SCYL3: variants seen among roughly 807,000 people sequenced by gnomAD.
The protein encoded by SCYL3 is protein-associating with the carboxyl-terminal domain of ezrin.
A neutral mutation model predicts 73.8 loss-of-function variants in SCYL3; 35 were observed. The observed-to-expected ratio is 0.47, with a 90% CI of 0.36 to 0.63. SCYL3 has a LOEUF of 0.63. SCYL3 is among the 20% of genes least tolerant of loss of function. The probability of loss-of-function intolerance (pLI) is 0.00; values close to 1 mark genes in which losing one functional copy is unlikely to be tolerated. For synonymous variants in SCYL3, 277 were observed against 295.2 expected, an observed-to-expected ratio of 0.94 and a Z score of 0.63; for missense variants, 712 against 798.9, an observed-to-expected ratio of 0.89 and a Z score of 1.31.
intron 1 of SCYL3, among the ~76,000 whole-genome samples, chr1:169,891,518 AGT>A (rs1431986254): frequency 6.6e-6 from 1 of 152,254 alleles, no homozygotes; most frequent in Non-Finnish European, 1.5e-5. Context: ...AGACTGGAAG[AGT>A]GAGTTACAGA....
intron 3 of SCYL3, among the ~76,000 whole-genome samples, chr1:169,876,908 T>C (rs1488688243): frequency 2.5e-5 from 3 of 118,286 alleles, no homozygotes; most frequent in African/African-American, 3.4e-5. Flanking sequence ...TGAGCCGAGA[T>C]CACACCACTG....
intron 4 of SCYL3, among the ~76,000 whole-genome samples, chr1:169,874,861 A>G (rs1660686220): frequency 6.6e-6 from 1 of 152,196 alleles, no homozygotes; most frequent in South Asian, 2.1e-4. Flanking sequence ...AGGGAGGCAG[A>G]GGTTGCAGTA....
intron 7 of SCYL3, 33 bp downstream of exon 7, chr1:169,868,895 A>G (rs771917527): frequency 1.3e-6 from 2 of 1,504,024 alleles, no homozygotes; most frequent in South Asian, 2.3e-5. Flanking sequence ...GTGTTCCGGA[A>G]GCAGCTGGCG....
intron 1 of SCYL3, 118 bp from the exon 2 acceptor site, chr1:169,889,008 T>C (rs1278288372): frequency 2.0e-6 from 1 of 499,324 alleles, no homozygotes; most frequent in Admixed American, 4.0e-5. Context: ...AACTAGGACA[T>C]TTGACAGTAA....
At position 169,876,193 on chromosome 1, in the gene SCYL3, A is replaced by G. The variant is rs150668575; in HGVS notation, c.352-102T>C. The G allele has an allele frequency of 9.7e-3, 6,039 of 620,858 alleles. 38 individuals carry two copies. Among genetic ancestry groups the G allele is most frequent in the Non-Finnish European group, 0.013 (5,043 of 397,386 alleles). The allele number at this position is 620,858 out of a possible 1,614,324, so 38.5% of individuals were successfully genotyped here. ...CTCCATCTCTCACAATCTTTATTTT[A>G]AAAAACTAAATACTAATCACCAAAA... On this transcript the variant is annotated intron_variant, in intron 3 of 12. Transcript: ENST00000367771.
At position 169,853,555 on chromosome 1, in the gene SCYL3, A is replaced by AGTCT. The variant is rs1381688972; in HGVS notation, c.*154_*157dup. Reference sequence around the variant, plus strand: ...GGGCTTTTAGCCAGCACTCACAGTCAGTCTCCTACTTCAGTTGGCACAGAC... The same window carrying AGTCT: ...GGGCTTTTAGCCAGCACTCACAGTCAGTCTGTCTCCTACTTCAGTTGGCACAGAC... On this transcript the variant is annotated 3_prime_UTR_variant, in exon 13 of 13. Transcript: ENST00000367771. 21 of 716,304 alleles carry AGTCT rather than the reference A, an allele frequency of 2.9e-5. No individual in the cohort carries two copies. The highest frequency in any genetic ancestry group is 4.4e-5 in the Non-Finnish European group (19 of 427,934). The allele number at this position is 716,304 out of a possible 1,614,324, so 44.4% of individuals were successfully genotyped here. A position where few individuals can be genotyped will look rare whatever the true frequency, so the allele number is the denominator to read the frequency against.
At chr1:169,859,274 A>T in intron 10 of SCYL3, 62 bp from the exon 11 acceptor site, 1 of 1,484,618 alleles carries the variant, frequency 6.7e-7, no homozygotes, top group South Asian at 1.3e-5. Context: ...CTTCCCCTGT[A>T]AATGAGCAAT....
At chr1:169,872,723 G>C (rs1044319260) in intron 5 of SCYL3, among the ~76,000 whole-genome samples, 14 of 152,250 alleles carry the variant, frequency 9.2e-5, no homozygotes, top group African/African-American at 3.4e-4. Context: ...GCTTGCATCA[G>C]CGTGACCCGG....
At chr1:169,853,864 A>ATCTT (rs1435222569) in intron 12 of SCYL3, 92 bp from the exon 13 acceptor site, 5 of 1,410,958 alleles carry the variant, frequency 3.5e-6, no homozygotes, top group Non-Finnish European at 5.0e-6. Flanking sequence ...TTTAAAATTT[A>ATCTT]TCTTTTGATG....
chr1:169,878,371 T>C lies in SCYL3; in HGVS notation c.351+263A>G, dbSNP rs1464227524. Among the ~76,000 whole-genome samples, 3 of 152,326 alleles carry C rather than the reference T, an allele frequency of 2.0e-5. No individual in the cohort carries two copies. In the South Asian group the frequency reaches 6.2e-4, roughly 32 times the overall value. On this transcript the variant is annotated intron_variant, in intron 3 of 12. Transcript: ENST00000367771. The stretch of plus-strand genomic sequence containing the variant: ...GTTTAGGCAAAGAATTATCCAAAAC[T>C]AGAGACAGACTATAGTAAACTAAAA...
chr1:169,882,619 C>T (rs1011676726), intron 2 of SCYL3, among the ~76,000 whole-genome samples: 2 of 152,132 alleles, frequency 1.3e-5, no homozygotes, highest in African/African-American at 4.8e-5. Context: ...AGCTCAGGGA[C>T]TGTAAATACA....
chr1:169,851,994 C>A lies in SCYL3; in HGVS notation c.*1719G>T. Reference sequence around the variant, plus strand: ...AACAAGGCAAATTCTGCCCTTTTTACTTACTGACGAAACAAACCAGTGTGG... The same window carrying A: ...AACAAGGCAAATTCTGCCCTTTTTAATTACTGACGAAACAAACCAGTGTGG... On this transcript the variant is annotated 3_prime_UTR_variant, in exon 13 of 13. Transcript: ENST00000367771. 5 of 1,611,550 alleles carry A rather than the reference C, an allele frequency of 3.1e-6. No homozygotes were observed. Among genetic ancestry groups the A allele is most frequent in the Non-Finnish European group, 4.2e-6 (5 of 1,178,524 alleles).
chr1:169,888,524 C>T, intron 2 of SCYL3, 152 bp downstream of exon 2: 2 of 610,140 alleles, frequency 3.3e-6, no homozygotes, highest in Non-Finnish European at 5.5e-6. Context: ...GAAGATAGGC[C>T]CATGAAGTAA....
chr1:169,870,322 T>A lies in SCYL3; in HGVS notation c.558A>T (p.Gly186=). The A allele has an allele frequency of 6.2e-7, 1 of 1,613,434 alleles. No individual in the cohort carries two copies. The highest frequency in any genetic ancestry group is 8.5e-7 in the Non-Finnish European group (1 of 1,179,684). ...PEFTTLPECH[G]HARDAFSFGT... The stretch of plus-strand genomic sequence containing the variant: ...CAAATGAAAAGGCATCCCGGGCATG[T>A]CCATGACACTCTGGGAGAGTTGTGA... The change falls in exon 6 of 13, where the codon GGA becomes GGT. Residue 186 remains glycine (G), a synonymous_variant. Coordinates refer to ENST00000367771, the MANE Select transcript of SCYL3 (RefSeq NM_020423.7).
At chr1:169,874,662 A>T (rs1571426296) in intron 4 of SCYL3, among the ~76,000 whole-genome samples, 2 of 152,320 alleles carry the variant, frequency 1.3e-5, no homozygotes, top group African/African-American at 2.4e-5. Context: ...TCGGTGGCTC[A>T]TATCTGTAAT....
chr1:169,862,553 T>C (rs1285999606), intron 10 of SCYL3, 60 bp downstream of exon 10: 1 of 865,774 alleles, frequency 1.2e-6, no homozygotes, highest in African/African-American at 1.9e-5. Flanking sequence ...CCAAAACTCT[T>C]TCTTTCAGCA....
chr1:169,893,088 T>C (rs1377550431), intron 1 of SCYL3, among the ~76,000 whole-genome samples: 1 of 152,154 alleles, frequency 6.6e-6, no homozygotes, highest in Non-Finnish European at 1.5e-5. Flanking sequence ...ACCAAAATAA[T>C]TGTGATTTCA....
rs564787317 is a variant in SCYL3 at position 169,887,861 on chromosome 1, C to T, written c.165+815G>A. 7.2e-5 allele frequency among the ~76,000 whole-genome samples: 11 copies of T among 151,958 alleles called. No homozygotes were observed. In the South Asian group the frequency reaches 1.9e-3, roughly 26 times the overall value. On this transcript the variant is annotated intron_variant, in intron 2 of 12. Coordinates refer to ENST00000367771, the MANE Select transcript of SCYL3 (RefSeq NM_020423.7). ...TATAATCATTTTAAAAAAATAAAAA[C>T]AATTTAGAGTCCTATGAAACAGACA...
chr1:169,893,590 T>A (rs988917486), intron 1 of SCYL3, among the ~76,000 whole-genome samples, 198 bp downstream of exon 1: 8 of 151,866 alleles, frequency 5.3e-5, no homozygotes, highest in Admixed American at 5.2e-4. Context: ...CGCCCCACAA[T>A]CAGCAAGGGG....
Sources: allele counts gnomAD v4.1 joint callset (sites outside exome capture counted in the v4.1 genomes callset), GRCh38; gene constraint gnomAD v4.1.1; transcripts MANE v1.5; gene names NCBI Gene and HGNC (gene_info 2026-07-23, HGNC 2026-07-21).